PRTN3: variants seen among roughly 807,000 people sequenced by gnomAD.
PRTN3 encodes proteinase 3, also known as myeloblastin.
Under a neutral mutation model 20.7 loss-of-function variants are expected in PRTN3, and 22 were observed. The ratio of observed to expected loss-of-function variants is 1.06; its 90% CI spans 0.76 to 1.52. The LOEUF is 1.52. PRTN3 is among the 40% of genes most tolerant of loss of function. The probability of loss-of-function intolerance (pLI) is 0.00; values close to 1 mark genes in which losing one functional copy is unlikely to be tolerated. For synonymous variants in PRTN3, 173 were observed against 152.9 expected (o/e 1.13, Z -0.97); for missense variants, 378 against 359.6 (o/e 1.05, Z -0.41).
intron 4 of PRTN3, 32 bp downstream of exon 4, chr19:846,409 G>A (rs556371515): frequency 1.9e-6 from 3 of 1,540,870 alleles, no homozygotes; most frequent in African/African-American, 1.4e-5. Context: ...CCGGGCACCG[G>A]GCTGCCATGA....
intron 4 of PRTN3, among the ~76,000 whole-genome samples, chr19:847,563 G>GAC (rs1568301048): frequency 6.3e-5 from 8 of 127,356 alleles, no homozygotes; most frequent in African/African-American, 2.7e-4. Flanking sequence ...GAAAGAGAGA[G>GAC]AGAGAGAGAG....
intron 3 of PRTN3, among the ~76,000 whole-genome samples, chr19:845,449 C>T (rs1168938719): frequency 1.3e-5 from 2 of 150,642 alleles, no homozygotes; most frequent in East Asian, 2.0e-4. Context: ...GGGCCAGGGG[C>T]GGTGGCTGTA....
At position 843,665 on chromosome 19, in the gene PRTN3, C is replaced by T. The variant is rs868753145; in HGVS notation, c.227+39C>T. On this transcript the variant is annotated intron_variant, in intron 2 of 4. Coordinates refer to ENST00000234347, the MANE Select transcript of PRTN3 (RefSeq NM_002777.4). ...TCCACACCCCTGTCCGCCCGCCCCG[C>T]CCTCTTCCTCCAGCCCTGGCCCGGC... The T allele has an allele frequency of 1.2e-5, 18 of 1,541,766 alleles. No homozygotes were observed. In the Middle Eastern group the frequency reaches 5.2e-4, roughly 44 times the overall value.
At chr19:843,375 G>T (rs1339053999) in intron 1 of PRTN3, 86 bp from the exon 2 acceptor site, 2 of 1,374,382 alleles carry the variant, frequency 1.5e-6, no homozygotes, top group Non-Finnish European at 1.9e-6. Context: ...GGAGACGGAG[G>T]CTCGGAGAGG....
At chr19:844,148 G>A (rs1038626832) in intron 3 of PRTN3, 114 bp downstream of exon 3, 2 of 1,359,548 alleles carry the variant, frequency 1.5e-6, no homozygotes, top group East Asian at 5.2e-5. Context: ...CACGACCGAG[G>A]CCGCTGCAGC....
rs944840730 is a variant in PRTN3 at position 844,050 on chromosome 19, C to G, written c.369+16C>G. ...CCTCATCCAGGTGGGCGGGCAGGGC[C>G]GCGAGGGCTCGGAGGGGCACGGCCA... is the stretch of plus-strand genomic sequence containing the variant. On this transcript the variant is annotated intron_variant, in intron 3 of 4. Coordinates refer to ENST00000234347, the MANE Select transcript of PRTN3 (RefSeq NM_002777.4). 13 of 1,592,848 alleles carry G rather than the reference C, an allele frequency of 8.2e-6. No individual in the cohort carries two copies. The highest frequency in any genetic ancestry group is 1.1e-5 in the Non-Finnish European group (13 of 1,170,000).
At chr19:842,246 G>A (rs994380560) in intron 1 of PRTN3, among the ~76,000 whole-genome samples, 9 of 150,248 alleles carry the variant, frequency 6.0e-5, no homozygotes, top group East Asian at 1.9e-4. Flanking sequence ...GGCTGGTCTC[G>A]AACTCCTGAC....
chr19:842,413 A>ATTTTTTTTTTTTTTTTTTTT lies in PRTN3; in HGVS notation c.62-1043_62-1024dup, dbSNP rs34047197. On this transcript the variant is annotated intron_variant, in intron 1 of 4. Transcript: ENST00000234347. ...TCAGGCATGAGCCACTGCGCCCAGGATTTTTTTTTTTTTTTTTTTTTTTTG... is the reference window on the plus strand; with the variant it reads ...TCAGGCATGAGCCACTGCGCCCAGGATTTTTTTTTTTTTTTTTTTTTTTTTTTTTTTTTTTTTTTTTTTTG... Among the ~76,000 whole-genome samples, 12 of 39,420 alleles carry ATTTTTTTTTTTTTTTTTTTT rather than the reference A, an allele frequency of 3.0e-4. 5 individuals carry two copies. The highest frequency in any genetic ancestry group is 1.3e-3 in the African/African-American group (9 of 6,792). 25.9% of individuals were successfully genotyped at this position (39,420 alleles called of 152,430 possible).
At chr19:841,479 A>C (rs1350121062) in intron 1 of PRTN3, among the ~76,000 whole-genome samples, 2 of 150,480 alleles carry the variant, frequency 1.3e-5, no homozygotes, top group African/African-American at 5.0e-5. Context: ...TCAATGAGTG[A>C]GTGAATGAAT....
At chr19:841,758 C>T (rs1337985034) in intron 1 of PRTN3, among the ~76,000 whole-genome samples, 1 of 124,644 alleles carries the variant, frequency 8.0e-6, no homozygotes, top group Non-Finnish European at 1.7e-5. Flanking sequence ...GACGGAGTCT[C>T]GCCCTGTCGC....
In PRTN3 at chr19:847,891, C is replaced by G. The variant is rs572553410; in HGVS notation, c.693C>G (p.Asp231Glu). 1 of 1,608,636 alleles carries G rather than the reference C, an allele frequency of 6.2e-7. No individual in the cohort carries two copies. The highest frequency in any genetic ancestry group is 1.3e-5 in the African/African-American group (1 of 75,010). Residue 231 changes from aspartate (D) to glutamate (E), a missense_variant, in exon 5 of 5, where the codon GAC becomes GAG. Physicochemically the swap from Asp to Glu is conservative, Grantham distance 45 (BLOSUM62 2). Transcript: ENST00000234347. Reference protein sequence around the residue: ...IWGCATRLFPDFFTRVALYVD... With the variant: ...IWGCATRLFPEFFTRVALYVD... ...GATGTGCCACCCGCCTTTTCCCTGA[C>G]TTCTTCACGCGGGTAGCCCTCTACG...
At chr19:841,456 A>G (rs80210115) in intron 1 of PRTN3, among the ~76,000 whole-genome samples, 8,664 of 152,094 alleles carry the variant, frequency 0.057, 681 homozygotes, top group African/African-American at 0.17. Context: ...GAACAAATGA[A>G]TGAGTGAATG....
chr19:843,287 C>G, intron 1 of PRTN3, 174 bp from the exon 2 acceptor site: 1 of 633,594 alleles, frequency 1.6e-6, no homozygotes, highest in Non-Finnish European at 2.6e-6. Flanking sequence ...CTTTGGAAAT[C>G]GTCGTAATTA....
Position 843,580 on chromosome 19 carries a change from A to G in PRTN3, c.181A>G (p.Ile61Val). 1.2e-6 allele frequency: 2 copies of G among 1,602,710 alleles called. No individual in the cohort carries two copies. The highest frequency in any genetic ancestry group is 1.7e-6 in the Non-Finnish European group (2 of 1,177,962). Residue 61 changes from isoleucine to valine, a missense_variant, in exon 2 of 5, where the codon ATC (isoleucine) becomes GTC (valine). By Grantham distance (29) the Ile-to-Val change is conservative (BLOSUM62 3). Transcript: ENST00000234347. ...CAGCCACTTCTGCGGAGGCACCTTG[A>G]TCCACCCCAGCTTCGTGCTGACGGC... ...PGSHFCGGTLIHPSFVLTAAH... is the reference protein window; with the variant it reads ...PGSHFCGGTLVHPSFVLTAAH...
At chr19:844,801 G>T (rs180918958) in intron 3 of PRTN3, among the ~76,000 whole-genome samples, 2 of 151,898 alleles carry the variant, frequency 1.3e-5, no homozygotes, top group Non-Finnish European at 2.9e-5. Flanking sequence ...CATACAGGTG[G>T]TGCTCAGTAA....
intron 3 of PRTN3, 99 bp from the exon 4 acceptor site, chr19:846,048 T>G: frequency 6.0e-6 from 5 of 839,474 alleles, no homozygotes; most frequent in Non-Finnish European, 8.6e-6. Context: ...ATCCGCGGCG[T>G]TTTGAGGTGG....
intron 3 of PRTN3, among the ~76,000 whole-genome samples, chr19:845,065 A>T (rs1378683260): frequency 6.7e-6 from 1 of 149,424 alleles, no homozygotes; most frequent in South Asian, 2.1e-4. Context: ...CTCCTGCCTC[A>T]GCCTCCTGAG....
Position 843,134 on chromosome 19 carries a change from T to C in PRTN3, c.62-327T>C, listed in dbSNP as rs151316852. On this transcript the variant is annotated intron_variant, in intron 1 of 4. Coordinates refer to ENST00000234347, the MANE Select transcript of PRTN3 (RefSeq NM_002777.4). ...CCTCACAATTTTGCCCAGGCTGGTC[T>C]TGAACTCCTGAGCTCAAGGGAGCCT... 5.9e-3 allele frequency among the ~76,000 whole-genome samples: 895 copies of C among 152,158 alleles called. 10 individuals carry two copies. The highest frequency in any genetic ancestry group is 0.02 in the African/African-American group (842 of 41,514).
intron 3 of PRTN3, 48 bp from the exon 4 acceptor site, chr19:846,099 A>G (rs2145131636): frequency 7.3e-7 from 1 of 1,374,168 alleles, no homozygotes; most frequent in East Asian, 2.8e-5. Context: ...CCGGGCGGCC[A>G]CCGTGACCTG....
Sources: allele counts gnomAD v4.1 joint callset (sites outside exome capture counted in the v4.1 genomes callset), GRCh38; gene constraint gnomAD v4.1.1; transcripts MANE v1.5; gene names NCBI Gene and HGNC (gene_info 2026-07-23, HGNC 2026-07-21).